The following NUP62CL variants were observed in gnomAD, a reference collection of about 807,000 sequenced individuals.
The protein encoded by NUP62CL is nucleoporin 62 C-terminal like, also known as nucleoporin-62 C-terminal-like protein.
In NUP62CL, 13 loss-of-function variants were observed where a neutral mutation model predicts 15.3. The ratio of observed to expected loss-of-function variants is 0.85; its 90% CI spans 0.55 to 1.35. The LOEUF is 1.35. NUP62CL is among the 40% of genes most tolerant of loss of function. The pLI, the probability that NUP62CL is intolerant of heterozygous loss-of-function variation, is 0.00. For missense variants in NUP62CL, 123 were observed against 130.6 expected, an observed-to-expected ratio of 0.94 and a Z score of 0.28; for synonymous variants, 54 against 49.2, an observed-to-expected ratio of 1.10 and a Z score of -0.41.
At chrX:107,182,213 G>T (rs946448190) in intron 2 of NUP62CL, among the ~76,000 whole-genome samples, 1 of 112,026 alleles carries the variant, frequency 8.9e-6, no homozygotes, top group Admixed American at 9.4e-5. Context: ...AGAGTTGTTC[G>T]ACATTACCAA....
chrX:107,176,326 C>T (rs187587102), intron 2 of NUP62CL, among the ~76,000 whole-genome samples: 2 of 111,308 alleles, frequency 1.8e-5, no homozygotes, highest in Non-Finnish European at 3.8e-5. Context: ...AAGGTCCGTC[C>T]TGAAATCGGA....
At chrX:107,174,775 G>T (rs1321395873) in intron 3 of NUP62CL, among the ~76,000 whole-genome samples, 1 of 111,738 alleles carries the variant, frequency 8.9e-6, no homozygotes, top group Non-Finnish European at 1.9e-5. Flanking sequence ...CTTCCCTTCA[G>T]AAATACTTGG....
chrX:107,175,006 A>G, intron 3 of NUP62CL, 83 bp downstream of exon 3: 1 of 695,203 alleles, frequency 1.4e-6, no homozygotes, highest in South Asian at 2.5e-5. Flanking sequence ...TTTCTGAGAC[A>G]GAGATCTGTA....
intron 2 of NUP62CL, among the ~76,000 whole-genome samples, chrX:107,178,121 A>C (rs1350736655): frequency 8.9e-6 from 1 of 112,009 alleles, no homozygotes; most frequent in Non-Finnish European, 1.9e-5. Flanking sequence ...TATTCCATTT[A>C]TAAAAAATAT....
At chrX:107,135,280 G>GA (rs997811138) in intron 8 of NUP62CL, among the ~76,000 whole-genome samples, 2 of 110,690 alleles carry the variant, frequency 1.8e-5, no homozygotes, top group African/African-American at 3.3e-5. Context: ...TGAGTGATGG[G>GA]AAAAAAAAGA....
At chrX:107,126,560 A>C (rs1925391348) in intron 8 of NUP62CL, among the ~76,000 whole-genome samples, 1 of 112,131 alleles carries the variant, frequency 8.9e-6, no homozygotes, top group African/African-American at 3.2e-5. Flanking sequence ...TCCAGAAATA[A>C]AACCTTATAA....
chrX:107,150,774 T>C (rs1925990445), intron 7 of NUP62CL: 2 of 316,131 alleles, frequency 6.3e-6, no homozygotes, highest in African/African-American at 2.7e-5. Context: ...GCTGGGGTTA[T>C]AGGCATGAGC....
chrX:107,152,059 T>C (rs1231118121), intron 7 of NUP62CL, among the ~76,000 whole-genome samples: 1 of 69,006 alleles, frequency 1.4e-5, no homozygotes, highest in East Asian at 5.4e-4. Context: ...GATATATATA[T>C]ATATATATAT....
At chrX:107,128,680 T>C (rs1352641169) in intron 8 of NUP62CL, among the ~76,000 whole-genome samples, 1 of 111,446 alleles carries the variant, frequency 9.0e-6, no homozygotes, top group Non-Finnish European at 1.9e-5. Flanking sequence ...ACAAACCATC[T>C]TGACATGGGA....
At chrX:107,184,425 T>G (rs748576469) in intron 2 of NUP62CL, among the ~76,000 whole-genome samples, 9 of 110,360 alleles carry the variant, frequency 8.2e-5, no homozygotes, top group Admixed American at 1.9e-4. Context: ...AATGAAAAAT[T>G]TGTAATAGAT....
At chrX:107,135,977 T>G (rs1925631809) in intron 8 of NUP62CL, among the ~76,000 whole-genome samples, 1 of 110,181 alleles carries the variant, frequency 9.1e-6, no homozygotes. Flanking sequence ...AGTCACTTAT[T>G]AAAAAGAAGG....
At chrX:107,179,870 T>A (rs1464382563) in intron 2 of NUP62CL, among the ~76,000 whole-genome samples, 2 of 112,148 alleles carry the variant, frequency 1.8e-5, no homozygotes, top group African/African-American at 6.5e-5. Flanking sequence ...AAAGTGTATA[T>A]CAAGGCTATT....
intron 5 of NUP62CL, 55 bp downstream of exon 5, chrX:107,154,041 G>A: frequency 9.8e-7 from 1 of 1,025,098 alleles, no homozygotes; most frequent in Non-Finnish European, 1.3e-6. Context: ...ATTTTCTTGT[G>A]TTCATCTGCA....
At chrX:107,132,933 T>A (rs1925555215) in intron 8 of NUP62CL, among the ~76,000 whole-genome samples, 1 of 112,138 alleles carries the variant, frequency 8.9e-6, no homozygotes, top group Non-Finnish European at 1.9e-5. Context: ...AGGTGAAAAG[T>A]GTGACAACGG....
At position 107,154,209 on chromosome X, in the gene NUP62CL, C is replaced by T; in HGVS notation, c.232G>A (p.Glu78Lys). The T allele has an allele frequency of 1.7e-6, 2 of 1,204,653 alleles. No individual in the cohort carries two copies. Among genetic ancestry groups the T allele is most frequent in the Non-Finnish European group, 1.1e-6 (1 of 890,676 alleles). Reference sequence around the variant, plus strand: ...AGGTTCCACTCATTTATAAGACCCTCCAGATGACCATATGTCATCACAGGA... The same window carrying T: ...AGGTTCCACTCATTTATAAGACCCTTCAGATGACCATATGTCATCACAGGA... ...ATPVMTYGHL[E>K]GLINEWNLEL... is the part of the protein sequence containing the mutation. The change falls in exon 5 of 9, where the codon GAG (glutamate) becomes AAG (lysine). Residue 78 changes from glutamate to lysine, a missense_variant. Transcript: ENST00000372466.
rs202078628 is a variant in NUP62CL at position 107,188,266 on chromosome X, TG to T, written c.-48+4762del. Among the ~76,000 whole-genome samples, 730 of 111,949 alleles carry T rather than the reference TG, an allele frequency of 6.5e-3. 6 individuals carry two copies. The highest frequency in any genetic ancestry group is 0.022 in the African/African-American group (685 of 30,832). On this transcript the variant is annotated intron_variant, in intron 2 of 8. Coordinates refer to ENST00000372466, the MANE Select transcript of NUP62CL (RefSeq NM_017681.3). ...TAAAAGAACTATATACCATGACAAG[TG>T]GGATTTATTTCAGAGATGCAAGGTT...
chrX:107,168,216 T>C (rs1320871476), intron 3 of NUP62CL, among the ~76,000 whole-genome samples: 1 of 111,933 alleles, frequency 8.9e-6, no homozygotes, highest in East Asian at 2.8e-4. Context: ...TTCCTAGAAA[T>C]AAAATTTCTA....
At chrX:107,130,678 T>A (rs1227339324) in intron 8 of NUP62CL, among the ~76,000 whole-genome samples, 4 of 111,442 alleles carry the variant, frequency 3.6e-5, no homozygotes, top group Non-Finnish European at 7.5e-5. Flanking sequence ...ATTAGAGGAC[T>A]CTGGCAGAGA....
At chrX:107,142,671 C>T (rs1199060157) in intron 8 of NUP62CL, among the ~76,000 whole-genome samples, 1 of 111,624 alleles carries the variant, frequency 9.0e-6, no homozygotes, top group African/African-American at 3.3e-5. Context: ...ACAGAAAATG[C>T]CTATCCCTCA....
Sources: gnomAD v4.1 joint callset for allele counts (sites outside exome capture counted in the v4.1 genomes callset) on GRCh38, gnomAD v4.1.1 for gene constraint, MANE v1.5 for transcripts, NCBI Gene and HGNC (gene_info 2026-07-23, HGNC 2026-07-21) for gene names.